CDC42BPA: variants seen among roughly 807,000 people sequenced by gnomAD.
CDC42BPA encodes the protein CDC42 binding protein kinase alpha, also known as serine/threonine-protein kinase MRCK alpha.
In CDC42BPA, 80 loss-of-function variants were observed where a neutral mutation model predicts 223.5. The ratio of observed to expected loss-of-function variants is 0.36; its 90% CI spans 0.30 to 0.43. The LOEUF (loss-of-function observed/expected upper bound fraction) is 0.43. CDC42BPA is among the 20% of genes least tolerant of loss of function. The pLI is 1.00. For missense variants in CDC42BPA, 1,743 were observed against 2,099.9 expected (o/e 0.83, Z 3.32); for synonymous variants, 694 against 718.6 (o/e 0.97, Z 0.55).
chr1:227,116,268 A>G (rs1558532014), intron 12 of CDC42BPA, among the ~76,000 whole-genome samples: 1 of 152,228 alleles, frequency 6.6e-6, no homozygotes, highest in Non-Finnish European at 1.5e-5. Flanking sequence ...GAAAAAGTCT[A>G]CAAACGTAGT....
Position 227,195,709 on chromosome 1 carries a change from C to G in CDC42BPA, c.451-1775G>C, listed in dbSNP as rs568225264. Among the ~76,000 whole-genome samples the G allele has an allele frequency of 1.0e-4, 13 of 128,498 alleles. 1 individual carries two copies. The South Asian group carries it at 3.0e-3, about 30-fold the overall frequency. The allele number at this position is 128,498 out of a possible 152,430, so 84.3% of individuals were successfully genotyped here. On this transcript the variant is annotated intron_variant, in intron 4 of 36. Coordinates refer to ENST00000366766, the MANE Select transcript of CDC42BPA (RefSeq NM_001394014.1). Reference sequence around the variant, plus strand: ...GTTACCTATTCCTATATTATTATATCATATTGTTCTGATTGGTTAATTTTA... The same window carrying G: ...GTTACCTATTCCTATATTATTATATGATATTGTTCTGATTGGTTAATTTTA...
chr1:227,220,931 C>G lies in CDC42BPA; in HGVS notation c.271-7712G>C, dbSNP rs565404972. 2.6e-5 allele frequency among the ~76,000 whole-genome samples: 4 copies of G among 152,254 alleles called. No homozygotes were observed. In the East Asian group the frequency reaches 7.7e-4, roughly 29 times the overall value. On this transcript the variant is annotated intron_variant, in intron 2 of 36. Transcript: ENST00000366766. ...TTCCTCAAGGAACTGATACCACATC[C>G]CTTTCCACAACACATTTCTCCAAAA...
In CDC42BPA at chr1:227,163,684, T is replaced by C. The variant is rs1664511078; in HGVS notation, c.600-3048A>G. Among the ~76,000 whole-genome samples, 3 of 151,424 alleles carry C rather than the reference T, an allele frequency of 2.0e-5. No individual in the cohort carries two copies. In the South Asian group the frequency reaches 6.3e-4, roughly 32 times the overall value. Reference sequence around the variant, plus strand: ...TGATGTGTTACAAATCCCTTCTCCCTGCATGTGGGCTTGTTTTTCCATTGT... The same window carrying C: ...TGATGTGTTACAAATCCCTTCTCCCCGCATGTGGGCTTGTTTTTCCATTGT... On this transcript the variant is annotated intron_variant, in intron 5 of 36. Transcript: ENST00000366766.
At chr1:227,043,824 C>T (rs1245075366) in intron 23 of CDC42BPA, among the ~76,000 whole-genome samples, 2 of 152,128 alleles carry the variant, frequency 1.3e-5, no homozygotes, top group African/African-American at 4.8e-5. Context: ...TAAACATCTT[C>T]ATCATGTTGC....
rs573147771 is a variant in CDC42BPA, at chr1:227,308,178, G to A, written c.178+8827C>T. 3.3e-3 allele frequency among the ~76,000 whole-genome samples: 495 copies of A among 152,162 alleles called. 2 individuals carry two copies. The highest frequency in any genetic ancestry group is 5.4e-3 in the Non-Finnish European group (367 of 68,000). On this transcript the variant is annotated intron_variant, in intron 1 of 36. Transcript: ENST00000366766. ...TTCAGTTATTATTTACCAATAAATG[G>A]CATTTTAATTATTCCTTTATCAAAA...
chr1:227,056,714 C>T (rs1674645905), intron 21 of CDC42BPA, among the ~76,000 whole-genome samples: 1 of 152,096 alleles, frequency 6.6e-6, no homozygotes, highest in African/African-American at 2.4e-5. Flanking sequence ...TATCAATTTT[C>T]TTTATCCTCT....
chr1:227,046,949 T>C (rs989607831), intron 23 of CDC42BPA, among the ~76,000 whole-genome samples: 1 of 152,200 alleles, frequency 6.6e-6, no homozygotes, highest in Non-Finnish European at 1.5e-5. Context: ...TAATCTCATT[T>C]TCTTTCCCCT....
At chr1:227,243,758 A>T (rs2718202) in intron 2 of CDC42BPA, among the ~76,000 whole-genome samples, 45 of 23,986 alleles carry the variant, frequency 1.9e-3, no homozygotes, top group East Asian at 7.8e-3. Context: ...AAGATTTGTC[A>T]CACACACACA....
At chr1:227,257,697 T>C (rs1057034636) in intron 1 of CDC42BPA, among the ~76,000 whole-genome samples, 2 of 150,532 alleles carry the variant, frequency 1.3e-5, no homozygotes, top group Non-Finnish European at 2.9e-5. Flanking sequence ...GAGGTTGCAG[T>C]GAGCCAAGAT....
chr1:227,082,939 C>T (rs534724644), intron 16 of CDC42BPA, among the ~76,000 whole-genome samples: 1 of 152,090 alleles, frequency 6.6e-6, no homozygotes, highest in Non-Finnish European at 1.5e-5. Context: ...TGCCTTTGAA[C>T]GTAATGTGTC....
At chr1:227,306,555 G>C (rs949994184) in intron 1 of CDC42BPA, among the ~76,000 whole-genome samples, 3 of 152,126 alleles carry the variant, frequency 2.0e-5, no homozygotes, top group African/African-American at 7.2e-5. Context: ...GCAACAAAAA[G>C]GCAGAAACAG....
At chr1:227,174,625 T>C (rs2149969359) in intron 5 of CDC42BPA, among the ~76,000 whole-genome samples, 2 of 152,160 alleles carry the variant, frequency 1.3e-5, no homozygotes, top group East Asian at 3.9e-4. Flanking sequence ...TTATCAACAT[T>C]AAAGAGATGA....
chr1:227,112,642 G>A (rs1687122626), intron 13 of CDC42BPA, 29 bp downstream of exon 13: 4 of 1,608,122 alleles, frequency 2.5e-6, no homozygotes, highest in South Asian at 2.2e-5. Context: ...CTATCCCATG[G>A]GCACTACAAA....
At chr1:227,237,427 C>A (rs1679251931) in intron 2 of CDC42BPA, among the ~76,000 whole-genome samples, 1 of 152,150 alleles carries the variant, frequency 6.6e-6, no homozygotes, top group Admixed American at 6.5e-5. Flanking sequence ...TTTCTACCTA[C>A]CTCTGTTTAA....
At chr1:227,047,826 T>C (rs1672757110) in intron 23 of CDC42BPA, 101 bp downstream of exon 23, 2 of 630,990 alleles carry the variant, frequency 3.2e-6, no homozygotes, top group Non-Finnish European at 5.5e-6. Flanking sequence ...TTTCTGTTTG[T>C]AAATTTGAAG....
chr1:227,230,683 ACTC>A (rs1677684422), intron 2 of CDC42BPA, among the ~76,000 whole-genome samples: 2 of 152,048 alleles, frequency 1.3e-5, no homozygotes, highest in Non-Finnish European at 2.9e-5. Flanking sequence ...AACTGAAAAT[ACTC>A]AGTTATCTTA....
intron 16 of CDC42BPA, 73 bp from the exon 17 acceptor site, chr1:227,081,090 A>T: frequency 6.7e-7 from 1 of 1,484,680 alleles, no homozygotes; most frequent in Non-Finnish European, 9.3e-7. Context: ...GTATTGTCAA[A>T]TTTGATTACT....
chr1:227,101,848 C>T (rs1173839500), intron 14 of CDC42BPA, among the ~76,000 whole-genome samples: 1 of 151,974 alleles, frequency 6.6e-6, no homozygotes, highest in East Asian at 1.9e-4. Flanking sequence ...TGAAATCTAC[C>T]TTTTTAGAAA....
At chr1:227,312,495 T>C (rs941203013) in intron 1 of CDC42BPA, among the ~76,000 whole-genome samples, 3 of 152,178 alleles carry the variant, frequency 2.0e-5, no homozygotes, top group African/African-American at 4.8e-5. Flanking sequence ...AAAATAAATA[T>C]ATGTCTAAAA....
Sources: gnomAD v4.1 joint callset for allele counts (sites outside exome capture counted in the v4.1 genomes callset) on GRCh38, gnomAD v4.1.1 for gene constraint, MANE v1.5 for transcripts, NCBI Gene and HGNC (gene_info 2026-07-23, HGNC 2026-07-21) for gene names.